The following AGO2 variants were observed in gnomAD, a reference collection of about 807,000 sequenced individuals.
AGO2 encodes the protein argonaute RISC catalytic component 2, also known as protein argonaute-2.
AGO2 carries 5 observed loss-of-function variants against 102.3 expected under a neutral mutation model. The ratio of observed to expected loss-of-function variants is 0.05; its 90% CI spans 0.03 to 0.10. AGO2 has a LOEUF of 0.10. Among genes scored for constraint, AGO2 ranks in the 10% least tolerant of loss-of-function variants. The pLI, the probability that AGO2 is intolerant of heterozygous loss-of-function variation, is 1.00. For missense variants in AGO2, 541 were observed against 1,183.7 expected (o/e 0.46, Z 7.97); for synonymous variants, 449 against 473.1 (o/e 0.95, Z 0.66).
At chr8:140,634,000 T>C (rs572576051) in intron 1 of AGO2, among the ~76,000 whole-genome samples, 112 of 152,316 alleles carry the variant, frequency 7.4e-4, no homozygotes, top group Non-Finnish European at 1.4e-3. Flanking sequence ...GCTGGGTTCC[T>C]CTACAAAGAG....
chr8:140,552,674 GCA>G (rs148826477), intron 10 of AGO2, among the ~76,000 whole-genome samples: 19 of 149,974 alleles, frequency 1.3e-4, no homozygotes, highest in Non-Finnish European at 1.5e-4. Context: ...GACAGGGAGT[GCA>G]CACACACACA....
intron 3 of AGO2, among the ~76,000 whole-genome samples, chr8:140,563,295 G>A (rs2073232080): frequency 6.6e-6 from 1 of 152,224 alleles, no homozygotes; most frequent in African/African-American, 2.4e-5. Flanking sequence ...CAGTGGTGCA[G>A]TATTGGCTCA....
chr8:140,560,979 G>A (rs936534600), intron 4 of AGO2, among the ~76,000 whole-genome samples: 4 of 152,242 alleles, frequency 2.6e-5, no homozygotes, highest in African/African-American at 9.6e-5. Context: ...GGCTGTCCAC[G>A]CATGACCCAG....
chr8:140,540,213 C>CG lies in AGO2; in HGVS notation c.2035-760dup, dbSNP rs1026959235. 2.6e-5 allele frequency among the ~76,000 whole-genome samples: 4 copies of CG among 152,190 alleles called. No homozygotes were observed. Among genetic ancestry groups the CG allele is most frequent in the Non-Finnish European group, 5.9e-5 (4 of 68,034 alleles). On this transcript the variant is annotated intron_variant, in intron 15 of 18. Coordinates refer to ENST00000220592, the MANE Select transcript of AGO2 (RefSeq NM_012154.5). The surrounding 1 kb of genome is among the most constrained non-coding windows in gnomAD (Gnocchi z 5.0). ...TGTCCTCCCAGGAGGCCATGGGTCT[C>CG]GGGAACGAGCTCTGCTTCCGCTCTG...
At position 140,557,151 on chromosome 8, in the gene AGO2, A is replaced by G; in HGVS notation, c.964T>C (p.Tyr322His). The G allele has an allele frequency of 6.2e-7, 1 of 1,614,116 alleles. No individual in the cohort carries two copies. The highest frequency in any genetic ancestry group is 8.5e-7 in the Non-Finnish European group (1 of 1,180,012). The change falls in exon 8 of 19, where the codon TAC (tyrosine) becomes CAC (histidine). Residue 322 changes from tyrosine (Y) to histidine (H), a missense_variant. Tyr to His is a moderately conservative substitution (Grantham distance 83). This residue lies in a region of AGO2 where 38 missense variants were observed against 68.1 expected (regional missense o/e 0.56). Coordinates refer to ENST00000220592, the MANE Select transcript of AGO2 (RefSeq NM_012154.5). This position sits in a 1 kb window ranked among gnomAD's most constrained non-coding sequence, Gnocchi z 5.9. ...FKDRHKLVLRYPHLPCLQVGQ... is the reference protein window; with the variant it reads ...FKDRHKLVLRHPHLPCLQVGQ... ...ACTTGTAAACATGGGAGGTGGGGGT[A>G]GCGCAGAACCAACTTGTGCCTGTCC...
intron 8 of AGO2, among the ~76,000 whole-genome samples, 157 bp downstream of exon 8, chr8:140,556,931 TG>T (rs1444947176): frequency 6.6e-6 from 1 of 151,912 alleles, no homozygotes; most frequent in African/African-American, 2.4e-5. Flanking sequence ...AAAACCGAGG[TG>T]TAACAAAGCC....
rs1022353514 is a variant in AGO2, at chr8:140,530,383, G to T, written c.*1661C>A. On this transcript the variant is annotated 3_prime_UTR_variant, in exon 19 of 19. Transcript: ENST00000220592. ...CCACCACAGTGCCGAGGTAAGTGTC[G>T]CGCAGGGCCGGGGAGGGAACAGCAG... 6.6e-6 allele frequency: 1 copy of T among 152,394 alleles called. No homozygotes were observed. Among genetic ancestry groups the T allele is most frequent in the Admixed American group, 6.5e-5 (1 of 15,286 alleles). 9.4% of individuals were successfully genotyped at this position (152,394 alleles called of 1,614,324 possible). A position where few individuals can be genotyped will look rare whatever the true frequency, so the allele number is the denominator to read the frequency against.
chr8:140,559,978 C>A (rs951885706), intron 5 of AGO2, among the ~76,000 whole-genome samples: 3 of 150,158 alleles, frequency 2.0e-5, no homozygotes, highest in East Asian at 3.9e-4. Context: ...TTTTCGCTGG[C>A]CTTCACTCTC....
At chr8:140,625,459 C>T (rs1410458871) in intron 1 of AGO2, among the ~76,000 whole-genome samples, 1 of 152,150 alleles carries the variant, frequency 6.6e-6, no homozygotes, top group African/African-American at 2.4e-5. Context: ...ACTCGCCCCT[C>T]CCCAGCCCCA....
chr8:140,584,944 T>A (rs569625563), intron 2 of AGO2, among the ~76,000 whole-genome samples, 175 bp downstream of exon 2: 22 of 152,286 alleles, frequency 1.4e-4, no homozygotes, highest in South Asian at 6.2e-4. Context: ...ATATATATAT[T>A]TTTTTCAATC....
At chr8:140,563,809 C>T (rs1278180960) in intron 3 of AGO2, among the ~76,000 whole-genome samples, 1 of 152,220 alleles carries the variant, frequency 6.6e-6, no homozygotes, top group Non-Finnish European at 1.5e-5. Context: ...TTTGGTGGCA[C>T]CAGGCACATT....
chr8:140,557,055 G>GC lies in AGO2; in HGVS notation c.1026+33dup. The GC allele has an allele frequency of 6.3e-7, 1 of 1,590,202 alleles. No homozygotes were observed. The highest frequency in any genetic ancestry group is 8.6e-7 in the Non-Finnish European group (1 of 1,166,178). ...CCAGCCTGGGACGCCGCCCTCCCAAGCCCCCAGAGACACACAGGAAGAGGG... is the reference window on the plus strand; with the variant it reads ...CCAGCCTGGGACGCCGCCCTCCCAAGCCCCCCAGAGACACACAGGAAGAGGG... On this transcript the variant is annotated intron_variant, in intron 8 of 18. Coordinates refer to ENST00000220592, the MANE Select transcript of AGO2 (RefSeq NM_012154.5). The surrounding 1 kb of genome is among the most constrained non-coding windows in gnomAD (Gnocchi z 5.9).
chr8:140,565,267 G>T (rs1489658012), intron 3 of AGO2, among the ~76,000 whole-genome samples: 1 of 151,690 alleles, frequency 6.6e-6, no homozygotes, highest in Admixed American at 6.6e-5. Flanking sequence ...GTGAAATCCT[G>T]TCTCTACTAA....
At chr8:140,548,757 G>T (rs1469684498) in intron 12 of AGO2, among the ~76,000 whole-genome samples, 2 of 152,228 alleles carry the variant, frequency 1.3e-5, no homozygotes, top group Non-Finnish European at 2.9e-5. Flanking sequence ...CATAGGCTGA[G>T]TCCCGGGCAG....
At position 140,539,447 on chromosome 8, in the gene AGO2, T is replaced by C. The variant is rs1275131569; in HGVS notation, c.2042A>G (p.His681Arg). The C allele has an allele frequency of 1.2e-6, 2 of 1,612,914 alleles. No individual in the cohort carries two copies. The highest frequency in any genetic ancestry group is 1.7e-6 in the Non-Finnish European group (2 of 1,179,444). Reference sequence around the variant, plus strand: ...CTCACGGATGGCCAGCAACTCGTGGTGGAGAACCTAGGGGTACGGGAGGGA... The same window carrying C: ...CTCACGGATGGCCAGCAACTCGTGGCGGAGAACCTAGGGGTACGGGAGGGA... ...VSEGQFQQVL[H>R]HELLAIREAC... is the part of the protein sequence containing the mutation. The change falls in exon 16 of 19, where the codon CAC becomes CGC. Residue 681 changes from histidine to arginine, a missense_variant. Physicochemically the swap from His to Arg is conservative, Grantham distance 29. Around this residue, in one of 6 missense-constraint regions of AGO2, gnomAD observed 309 missense variants for 735.1 expected, o/e 0.42. Transcript: ENST00000220592. The surrounding 1 kb of genome is among the most constrained non-coding windows in gnomAD (Gnocchi z 4.7).
In AGO2 at chr8:140,521,490, A is replaced by T. The variant is rs2072415452; in HGVS notation, c.*10554T>A. On this transcript the variant is annotated 3_prime_UTR_variant, in exon 19 of 19. Transcript: ENST00000220592. ...GAAAGATCCCTAATTTTTATTTCTT[A>T]TTGGTATAAAATCAAATTCTTAAGA... 1 of 152,242 alleles carries T rather than the reference A, an allele frequency of 6.6e-6. No individual in the cohort carries two copies. The highest frequency in any genetic ancestry group is 2.4e-5 in the African/African-American group (1 of 41,468). The allele number at this position is 152,242 out of a possible 1,614,324, so 9.4% of individuals were successfully genotyped here.
chr8:140,587,839 C>T (rs1466014199), intron 1 of AGO2, among the ~76,000 whole-genome samples: 1 of 152,192 alleles, frequency 6.6e-6, no homozygotes, highest in African/African-American at 2.4e-5. Flanking sequence ...AACGAAAGCC[C>T]ACAAGGAGGA....
chr8:140,566,739 C>T (rs1390510768), intron 3 of AGO2, among the ~76,000 whole-genome samples: 1 of 152,060 alleles, frequency 6.6e-6, no homozygotes, highest in Non-Finnish European at 1.5e-5. Context: ...CTGTCTGACT[C>T]CAGAAAGGGA....
chr8:140,536,789 G>A (rs1438721987), intron 16 of AGO2, among the ~76,000 whole-genome samples: 1 of 152,180 alleles, frequency 6.6e-6, no homozygotes, highest in African/African-American at 2.4e-5. Context: ...ACAGAGATCT[G>A]GGGGCTGCAG....
Sources: allele counts gnomAD v4.1 joint callset (sites outside exome capture counted in the v4.1 genomes callset), GRCh38; gene constraint gnomAD v4.1.1; regional missense constraint gnomAD v4.1.1; non-coding constraint Gnocchi (gnomAD v3.1); transcripts MANE v1.5; gene names NCBI Gene and HGNC (gene_info 2026-07-23, HGNC 2026-07-21).